The following PHACTR3 variants were observed in gnomAD, a reference collection of about 807,000 sequenced individuals.
The protein encoded by PHACTR3 is phosphatase and actin regulator 3, also known as protein phosphatase 1, regulatory subunit 123.
In PHACTR3, 16 loss-of-function variants were observed where a neutral mutation model predicts 66.8. That is an observed-to-expected ratio of 0.24 (90% confidence interval 0.16 to 0.36). PHACTR3 has a LOEUF of 0.36. Among genes scored for constraint, PHACTR3 ranks in the 10% least tolerant of loss-of-function variants. The pLI is 1.00. For missense variants in PHACTR3, 647 were observed against 719.9 expected, an observed-to-expected ratio of 0.90 and a Z score of 1.16; for synonymous variants, 323 against 292.1, an observed-to-expected ratio of 1.11 and a Z score of -1.08.
intron 1 of PHACTR3, among the ~76,000 whole-genome samples, chr20:59,634,779 A>G (rs1359790740): frequency 2.0e-5 from 3 of 152,236 alleles, no homozygotes; most frequent in South Asian, 4.1e-4. Flanking sequence ...GGTCTGCGCC[A>G]TGCCGCCCGG....
rs182823984 is a variant in PHACTR3, at chr20:59,713,510, A to G, written c.119-29597A>G. On this transcript the variant is annotated intron_variant, in intron 1 of 12. Transcript: ENST00000371015. ...TTGAGTCTTACATAATTGGAACTGA[A>G]CAATATGTAATGTTTTGTATCTGTC... Among the ~76,000 whole-genome samples the G allele has an allele frequency of 2.0e-5, 3 of 152,302 alleles. No individual in the cohort carries two copies. In the East Asian group the frequency reaches 5.8e-4, roughly 29 times the overall value.
chr20:59,662,324 A>C (rs980955378), intron 1 of PHACTR3, among the ~76,000 whole-genome samples: 1 of 152,136 alleles, frequency 6.6e-6, no homozygotes, highest in African/African-American at 2.4e-5. Context: ...GGTGGGGGAC[A>C]CAGAGGCGGA....
At chr20:59,680,238 C>T (rs1448756188) in intron 1 of PHACTR3, among the ~76,000 whole-genome samples, 1 of 152,108 alleles carries the variant, frequency 6.6e-6, no homozygotes, top group Admixed American at 6.5e-5. Flanking sequence ...AAAGAAGAGA[C>T]CTGGAGCCAG....
rs565618813 is a variant in PHACTR3, at chr20:59,671,305, C to T, written c.118+66173C>T. Among the ~76,000 whole-genome samples, 3 of 152,318 alleles carry T rather than the reference C, an allele frequency of 2.0e-5. No homozygotes were observed. The South Asian group carries it at 6.2e-4, about 32-fold the overall frequency. On this transcript the variant is annotated intron_variant, in intron 1 of 12. Transcript: ENST00000371015. The stretch of plus-strand genomic sequence containing the variant: ...CGGCTCCATGCTGGGTGAGCCTCCT[C>T]TCTCCTTGCCGGGGAAGGGCTAGAG...
intron 8 of PHACTR3, among the ~76,000 whole-genome samples, chr20:59,835,053 A>G (rs1254054233): frequency 6.6e-6 from 1 of 152,220 alleles, no homozygotes; most frequent in East Asian, 1.9e-4. Context: ...AGCTTGCTCT[A>G]GACTATGAGC....
intron 3 of PHACTR3, among the ~76,000 whole-genome samples, chr20:59,749,578 G>A (rs1035384007): frequency 4.6e-5 from 7 of 152,152 alleles, no homozygotes; most frequent in African/African-American, 1.4e-4. Flanking sequence ...TCACACACCC[G>A]CAGGCTTACA....
chr20:59,739,047 C>G (rs929497336), intron 1 of PHACTR3, among the ~76,000 whole-genome samples: 47 of 152,070 alleles, frequency 3.1e-4, no homozygotes, highest in African/African-American at 1.1e-3. Context: ...GAGAAGGATC[C>G]CTGTACATCC....
At chr20:59,716,898 CA>C (rs1360958996) in intron 1 of PHACTR3, among the ~76,000 whole-genome samples, 3 of 152,056 alleles carry the variant, frequency 2.0e-5, no homozygotes, top group Non-Finnish European at 2.9e-5. Context: ...CATTAATAGG[CA>C]AAAAACGCAA....
At chr20:59,584,087 A>C (rs947600677) in intron 1 of PHACTR3, among the ~76,000 whole-genome samples, 1 of 152,206 alleles carries the variant, frequency 6.6e-6, no homozygotes, top group Admixed American at 6.5e-5. Flanking sequence ...GCGCGTGGGC[A>C]AGAAGGTGTC....
intron 7 of PHACTR3, among the ~76,000 whole-genome samples, chr20:59,782,898 C>T (rs1204183873): frequency 1.3e-5 from 2 of 152,264 alleles, no homozygotes; most frequent in East Asian, 1.9e-4. Context: ...GAACGTTACA[C>T]GGAGAGAGGC....
Position 59,762,760 on chromosome 20 carries a change from G to C in PHACTR3, c.542-4426G>C, listed in dbSNP as rs190577598. Among the ~76,000 whole-genome samples the C allele has an allele frequency of 2.6e-5, 4 of 152,364 alleles. No homozygotes were observed. In the East Asian group the frequency reaches 7.7e-4, roughly 29 times the overall value. ...GTTTGGAGAATGGGTTTCCACTGGG[G>C]TGGGAAGCATTGCCAGGAGCTGGGA... On this transcript the variant is annotated intron_variant, in intron 4 of 12. Transcript: ENST00000371015.
At chr20:59,660,804 A>G (rs1250211135) in intron 1 of PHACTR3, among the ~76,000 whole-genome samples, 1 of 152,268 alleles carries the variant, frequency 6.6e-6, no homozygotes, top group Non-Finnish European at 1.5e-5. Context: ...GTTTTATGAA[A>G]CATTTCTAAT....
chr20:59,833,462 C>T (rs147462260), intron 8 of PHACTR3, among the ~76,000 whole-genome samples: 99 of 152,282 alleles, frequency 6.5e-4, no homozygotes, highest in African/African-American at 3.6e-4. Context: ...TTGTCACAAA[C>T]ATTTTTGTGC....
At chr20:59,811,703 TG>T (rs1456058234) in intron 8 of PHACTR3, among the ~76,000 whole-genome samples, 5 of 108,386 alleles carry the variant, frequency 4.6e-5, no homozygotes, top group East Asian at 2.9e-4. Flanking sequence ...CATGGAGCAG[TG>T]GGGGGTTGGA....
chr20:59,748,694 C>T (rs568272145), intron 3 of PHACTR3, among the ~76,000 whole-genome samples: 2 of 152,308 alleles, frequency 1.3e-5, no homozygotes, highest in South Asian at 4.1e-4. Context: ...CAACACCTCA[C>T]TGCCTCTGGA....
chr20:59,594,536 C>T (rs773227158), intron 1 of PHACTR3, among the ~76,000 whole-genome samples: 21 of 151,978 alleles, frequency 1.4e-4, no homozygotes, highest in South Asian at 2.1e-4. Context: ...TTCAAGGAGT[C>T]GGTTCATTTC....
At chr20:59,712,164 C>G (rs1002605931) in intron 1 of PHACTR3, among the ~76,000 whole-genome samples, 2 of 151,622 alleles carry the variant, frequency 1.3e-5, no homozygotes, top group African/African-American at 2.4e-5. Flanking sequence ...AGTTTTTTTC[C>G]CTAGATTTTC....
Position 59,644,492 on chromosome 20 carries a change from G to A in PHACTR3, c.118+39360G>A, listed in dbSNP as rs539418084. 2.6e-5 allele frequency among the ~76,000 whole-genome samples: 4 copies of A among 152,278 alleles called. No individual in the cohort carries two copies. The South Asian group carries it at 8.3e-4, about 32-fold the overall frequency. On this transcript the variant is annotated intron_variant, in intron 1 of 12. Transcript: ENST00000371015. ...CCACTGAATTGTAGACTCCAACAGG[G>A]GGCGGGAGCTGAGTTTGTTTTTGCT... is the stretch of plus-strand genomic sequence containing the variant.
At chr20:59,615,756 A>G (rs1180312518) in intron 1 of PHACTR3, among the ~76,000 whole-genome samples, 1 of 152,190 alleles carries the variant, frequency 6.6e-6, no homozygotes, top group Admixed American at 6.5e-5. Context: ...CTTAGGGCCT[A>G]GGCTGGAAAC....
Sources: gnomAD v4.1 joint callset for allele counts (sites outside exome capture counted in the v4.1 genomes callset) on GRCh38, gnomAD v4.1.1 for gene constraint, MANE v1.5 for transcripts, NCBI Gene and HGNC (gene_info 2026-07-23, HGNC 2026-07-21) for gene names.